The following PHF20 variants were observed in gnomAD, a reference collection of about 807,000 sequenced individuals.
PHF20 encodes glioma-expressed antigen 2.
Under a neutral mutation model 113.5 loss-of-function variants are expected in PHF20, and 23 were observed. That is an observed-to-expected ratio of 0.20 (90% CI 0.15 to 0.29). PHF20 has a LOEUF of 0.29. Among genes scored for constraint, PHF20 ranks in the 10% least tolerant of loss-of-function variants. PHF20 has a pLI of 1.00. For synonymous variants in PHF20, 434 were observed against 457.3 expected (o/e 0.95, Z 0.65); for missense variants, 943 against 1,219.6 (o/e 0.77, Z 3.38).
chr20:35,781,809 G>T (rs1185408356), intron 1 of PHF20, among the ~76,000 whole-genome samples: 1 of 152,176 alleles, frequency 6.6e-6, no homozygotes, highest in Admixed American at 6.6e-5. Flanking sequence ...GCTGGGCGTG[G>T]TAGCACATGC....
chr20:35,844,997 C>G (rs1335194773), intron 3 of PHF20, among the ~76,000 whole-genome samples: 1 of 152,098 alleles, frequency 6.6e-6, no homozygotes, highest in African/African-American at 2.4e-5. Flanking sequence ...CAAAAAGAAG[C>G]TCTCCCTCAA....
At chr20:35,799,819 C>T (rs2425150) in intron 1 of PHF20, among the ~76,000 whole-genome samples, 1,931 of 152,224 alleles carry the variant, frequency 0.013, 40 homozygotes, top group African/African-American at 0.045. Flanking sequence ...AGGCGCCTGC[C>T]GCCGCGCCCC....
At chr20:35,885,500 TACTTTTTAAAAATGAGATCTTCAG>T (rs2054712711) in intron 9 of PHF20, among the ~76,000 whole-genome samples, 1 of 118,498 alleles carries the variant, frequency 8.4e-6, no homozygotes, top group African/African-American at 3.3e-5. Context: ...TTTTTTTTTT[TACTTTTTAAAAATGAGATCTTCAG>T]TTTTTGTCTT....
intron 13 of PHF20, among the ~76,000 whole-genome samples, chr20:35,924,516 C>A (rs2055587066): frequency 6.6e-6 from 1 of 151,656 alleles, no homozygotes; most frequent in Non-Finnish European, 1.5e-5. Flanking sequence ...TTTTTAACAT[C>A]TTTTTTCATT....
intron 13 of PHF20, among the ~76,000 whole-genome samples, chr20:35,921,203 A>T (rs930764917): frequency 2.0e-5 from 3 of 152,180 alleles, no homozygotes; most frequent in African/African-American, 7.2e-5. Flanking sequence ...TTAATCAGAG[A>T]TGGGAGGACA....
At chr20:35,867,316 G>T (rs780696196) in intron 6 of PHF20, among the ~76,000 whole-genome samples, 3 of 152,156 alleles carry the variant, frequency 2.0e-5, no homozygotes, top group Non-Finnish European at 4.4e-5. Context: ...CTGGAGTGCA[G>T]TGGCATGATC....
chr20:35,860,237 ATT>A (rs34253757), intron 5 of PHF20, among the ~76,000 whole-genome samples: 79 of 129,690 alleles, frequency 6.1e-4, no homozygotes, highest in Middle Eastern at 4.1e-3. Context: ...TTTCTAAGAA[ATT>A]TTTTTTTTTT....
chr20:35,924,445 C>T (rs550780997), intron 13 of PHF20, among the ~76,000 whole-genome samples: 88 of 152,156 alleles, frequency 5.8e-4, no homozygotes, highest in Non-Finnish European at 1.1e-3. Context: ...CCGCCCACCT[C>T]GGCCTCCCAA....
intron 9 of PHF20, among the ~76,000 whole-genome samples, chr20:35,873,665 T>C (rs1249094263): frequency 1.3e-5 from 2 of 152,058 alleles, no homozygotes; most frequent in African/African-American, 4.8e-5. Flanking sequence ...AGACGGGGTT[T>C]CACCATGTTG....
chr20:35,826,290 C>T (rs1418278384), intron 2 of PHF20, among the ~76,000 whole-genome samples: 3 of 152,064 alleles, frequency 2.0e-5, no homozygotes, highest in Admixed American at 1.3e-4. Flanking sequence ...GTGATCTGCC[C>T]GCGTCGGCCT....
intron 6 of PHF20, 67 bp from the exon 7 acceptor site, chr20:35,869,371 A>C (rs1259534066): frequency 9.4e-6 from 7 of 746,802 alleles, no homozygotes; most frequent in Non-Finnish European, 1.6e-5. Flanking sequence ...TGTTTTATTT[A>C]TATATAAAAA....
At chr20:35,807,668 T>C (rs1264592987) in intron 2 of PHF20, among the ~76,000 whole-genome samples, 1 of 152,154 alleles carries the variant, frequency 6.6e-6, no homozygotes, top group African/African-American at 2.4e-5. Flanking sequence ...TTTATATATA[T>C]ATTTTTTCTC....
intron 14 of PHF20, among the ~76,000 whole-genome samples, chr20:35,930,117 T>C (rs944367191): frequency 6.6e-6 from 1 of 152,226 alleles, no homozygotes; most frequent in African/African-American, 2.4e-5. Context: ...AGCCATCCAG[T>C]TCCTATGTTG....
intron 2 of PHF20, among the ~76,000 whole-genome samples, chr20:35,817,373 G>C (rs1464175809): frequency 6.6e-6 from 1 of 151,910 alleles, no homozygotes; most frequent in African/African-American, 2.4e-5. Flanking sequence ...TTTTAGTAAA[G>C]ATGGGGTTTC....
At chr20:35,804,515 C>T (rs1241879136) in intron 2 of PHF20, among the ~76,000 whole-genome samples, 3 of 151,446 alleles carry the variant, frequency 2.0e-5, no homozygotes, top group Non-Finnish European at 4.4e-5. Flanking sequence ...GGATTACAGG[C>T]GTGAGCCACC....
intron 1 of PHF20, among the ~76,000 whole-genome samples, chr20:35,784,288 G>A (rs527674866): frequency 6.6e-6 from 1 of 151,030 alleles, no homozygotes; most frequent in East Asian, 2.0e-4. Flanking sequence ...TCCTGACCTT[G>A]TGATCTGCCT....
chr20:35,915,363 ATTTTGTTTTG>A (rs955313125), intron 12 of PHF20, among the ~76,000 whole-genome samples: 17 of 150,962 alleles, frequency 1.1e-4, no homozygotes, highest in Admixed American at 5.3e-4. Context: ...ATATATATAT[ATTTTGTTTTG>A]TTTTGTTTTG....
Position 35,913,489 on chromosome 20 carries a change from A to C in PHF20, c.1660+142A>C, listed in dbSNP as rs919362390. The C allele has an allele frequency of 7.3e-6, 5 of 682,834 alleles. No homozygotes were observed. The African/African-American group carries it at 9.0e-5, about 12-fold the overall frequency. 42.3% of individuals were successfully genotyped at this position (682,834 alleles called of 1,614,324 possible). A position where few individuals can be genotyped will look rare whatever the true frequency, so the allele number is the denominator to read the frequency against. On this transcript the variant is annotated intron_variant, in intron 11 of 17. Transcript: ENST00000374012. ...TTACCAGGGCTTGTGGGCTCAACCTAGTATGGGCCCTGGAAGGGGAGGCAT... is the reference window on the plus strand; with the variant it reads ...TTACCAGGGCTTGTGGGCTCAACCTCGTATGGGCCCTGGAAGGGGAGGCAT...
chr20:35,837,952 C>G (rs2042471380), intron 2 of PHF20, among the ~76,000 whole-genome samples: 1 of 152,146 alleles, frequency 6.6e-6, no homozygotes, highest in South Asian at 2.1e-4. Flanking sequence ...GTGGGGAGGA[C>G]CACTTAATCT....
Sources: allele counts gnomAD v4.1 joint callset (sites outside exome capture counted in the v4.1 genomes callset), GRCh38; gene constraint gnomAD v4.1.1; transcripts MANE v1.5; gene names NCBI Gene and HGNC (gene_info 2026-07-23, HGNC 2026-07-21).